KIF13A: variants seen among roughly 807,000 people sequenced by gnomAD.
KIF13A encodes kinesin family member 13A, also known as kinesin-like protein KIF13A.
Under a neutral mutation model 212.2 loss-of-function variants are expected in KIF13A, and 79 were observed. The observed-to-expected ratio is 0.37, with a 90% CI of 0.31 to 0.45. The LOEUF is 0.45. Ranked by LOEUF, KIF13A falls within the 20% of genes least tolerant of loss-of-function variation. The probability of loss-of-function intolerance (pLI) is 1.00; values close to 1 mark genes in which losing one functional copy is unlikely to be tolerated. For missense variants in KIF13A, 1,901 were observed against 2,209.0 expected (o/e 0.86, Z 2.79); for synonymous variants, 789 against 808.6 (o/e 0.98, Z 0.41).
At chr6:17,986,441 T>C (rs190920681) in intron 2 of KIF13A, among the ~76,000 whole-genome samples, 323 of 152,352 alleles carry the variant, frequency 2.1e-3, no homozygotes, top group African/African-American at 7.0e-3. Flanking sequence ...TCAGTGTCTA[T>C]ACAGTTCAGG....
chr6:17,957,159 A>G (rs1442146981), intron 2 of KIF13A, among the ~76,000 whole-genome samples: 1 of 152,154 alleles, frequency 6.6e-6, no homozygotes, highest in Non-Finnish European at 1.5e-5. Flanking sequence ...AGGGATTACA[A>G]GTGTGAGCCA....
At chr6:17,781,801 A>C (rs1264655888) in intron 29 of KIF13A, among the ~76,000 whole-genome samples, 1 of 151,584 alleles carries the variant, frequency 6.6e-6, no homozygotes, top group Non-Finnish European at 1.5e-5. Context: ...TAATTTGTAA[A>C]ATTTTTTGTA....
chr6:17,835,528 A>G (rs1439169120), intron 11 of KIF13A, among the ~76,000 whole-genome samples: 1 of 152,222 alleles, frequency 6.6e-6, no homozygotes, highest in East Asian at 1.9e-4. Flanking sequence ...AAATTATAAT[A>G]AAAATCAGCA....
chr6:17,825,672 G>T lies in KIF13A; in HGVS notation c.1786+96C>A. Reference sequence around the variant, plus strand: ...AGCAGTTTTATGTGTTTAAAATGTGGAATGCGGAATGACACCTGATGCATG... The same window carrying T: ...AGCAGTTTTATGTGTTTAAAATGTGTAATGCGGAATGACACCTGATGCATG... On this transcript the variant is annotated intron_variant, in intron 16 of 38. Transcript: ENST00000259711. The surrounding 1 kb of genome is among the most constrained non-coding windows in gnomAD (Gnocchi z 4.5). The T allele has an allele frequency of 8.7e-7, 1 of 1,150,404 alleles. No individual in the cohort carries two copies. The highest frequency in any genetic ancestry group is 1.2e-6 in the Non-Finnish European group (1 of 801,766). 71.3% of individuals were successfully genotyped at this position (1,150,404 alleles called of 1,614,324 possible). A position where few individuals can be genotyped will look rare whatever the true frequency, so the allele number is the denominator to read the frequency against.
intron 38 of KIF13A, among the ~76,000 whole-genome samples, chr6:17,770,118 C>T (rs933800111): frequency 2.6e-5 from 4 of 152,190 alleles, no homozygotes; most frequent in Admixed American, 2.0e-4. Flanking sequence ...ACACAGTGTG[C>T]GTTAGGAACT....
At chr6:17,805,213 A>G (rs1027076065) in intron 19 of KIF13A, among the ~76,000 whole-genome samples, 16 of 152,214 alleles carry the variant, frequency 1.1e-4, no homozygotes, top group Non-Finnish European at 1.5e-5. Context: ...TGTAGTAAAC[A>G]TGAAGCCAAA....
At chr6:17,854,193 T>C (rs1767927103) in intron 6 of KIF13A, among the ~76,000 whole-genome samples, 1 of 152,170 alleles carries the variant, frequency 6.6e-6, no homozygotes, top group Non-Finnish European at 1.5e-5. Context: ...GGCTGGAATG[T>C]GGTGGCATGA....
At chr6:17,795,231 T>A (rs990244613) in intron 23 of KIF13A, among the ~76,000 whole-genome samples, 18 of 152,150 alleles carry the variant, frequency 1.2e-4, no homozygotes, top group Non-Finnish European at 2.9e-5. Flanking sequence ...CCCCATTCAC[T>A]CACTGAAGGA....
At chr6:17,885,172 T>G (rs1359773324) in intron 3 of KIF13A, among the ~76,000 whole-genome samples, 1 of 151,990 alleles carries the variant, frequency 6.6e-6, no homozygotes, top group Non-Finnish European at 1.5e-5. Flanking sequence ...GGACTGAAAC[T>G]GAAAGGAAAC....
intron 20 of KIF13A, among the ~76,000 whole-genome samples, chr6:17,803,418 C>A (rs920653320): frequency 6.6e-6 from 1 of 152,052 alleles, no homozygotes; most frequent in African/African-American, 2.4e-5. Flanking sequence ...GCACTTACAC[C>A]CCACAACTGG....
chr6:17,801,377 T>C (rs1483268149), intron 20 of KIF13A, among the ~76,000 whole-genome samples: 1 of 151,984 alleles, frequency 6.6e-6, no homozygotes, highest in Non-Finnish European at 1.5e-5. Context: ...TGGTGGGTCA[T>C]ACCTGTAGTC....
In KIF13A at chr6:17,837,120, A is replaced by G; in HGVS notation, c.943-30T>C. 1 of 1,590,328 alleles carries G rather than the reference A, an allele frequency of 6.3e-7. No individual in the cohort carries two copies. Among genetic ancestry groups the G allele is most frequent in the African/African-American group, 1.3e-5 (1 of 74,536 alleles). On this transcript the variant is annotated intron_variant, in intron 10 of 38. Coordinates refer to ENST00000259711, the MANE Select transcript of KIF13A (RefSeq NM_022113.6). The surrounding 1 kb of genome is among the most constrained non-coding windows in gnomAD (Gnocchi z 5.4). ...CAAGTATTTCAAACAGCATCTTAGG[A>G]AGCCCATTCCATGGACAACACATAT...
chr6:17,978,674 T>G (rs986625249), intron 2 of KIF13A, among the ~76,000 whole-genome samples: 6 of 152,252 alleles, frequency 3.9e-5, no homozygotes, highest in Non-Finnish European at 1.5e-5. Context: ...TGAGAAAGGG[T>G]AACTTTAGTT....
At chr6:17,878,065 C>T (rs745631268) in intron 3 of KIF13A, among the ~76,000 whole-genome samples, 7 of 152,172 alleles carry the variant, frequency 4.6e-5, no homozygotes, top group South Asian at 2.1e-4. Context: ...TGTAGTAATA[C>T]TTATATTATT....
chr6:17,775,764 C>T (rs559501285), intron 34 of KIF13A, among the ~76,000 whole-genome samples: 5 of 152,300 alleles, frequency 3.3e-5, no homozygotes, highest in Admixed American at 2.0e-4. Flanking sequence ...GTTGCCCAGG[C>T]TGGTCTCAAA....
chr6:17,874,060 T>C (rs1770267124), intron 3 of KIF13A, among the ~76,000 whole-genome samples: 3 of 152,196 alleles, frequency 2.0e-5, no homozygotes, highest in African/African-American at 7.2e-5. Context: ...CAATATCTTC[T>C]CTCGCAAGTC....
chr6:17,766,089 C>G (rs1426345855), intron 38 of KIF13A, among the ~76,000 whole-genome samples: 2 of 152,182 alleles, frequency 1.3e-5, no homozygotes, highest in African/African-American at 4.8e-5. Context: ...AGTTAGCTTT[C>G]TTTCATTGGT....
chr6:17,962,568 G>C (rs149373010), intron 2 of KIF13A, among the ~76,000 whole-genome samples: 39 of 152,226 alleles, frequency 2.6e-4, no homozygotes, highest in African/African-American at 9.1e-4. Flanking sequence ...GGTGGGGCAG[G>C]ACACAACCAT....
At chr6:17,957,756 C>T (rs1778468081) in intron 2 of KIF13A, among the ~76,000 whole-genome samples, 1 of 152,192 alleles carries the variant, frequency 6.6e-6, no homozygotes, top group South Asian at 2.1e-4. Flanking sequence ...CCACAGAAGT[C>T]TTCTGTGTTG....
Sources: gnomAD v4.1 joint callset for allele counts (sites outside exome capture counted in the v4.1 genomes callset) on GRCh38, gnomAD v4.1.1 for gene constraint, Gnocchi (gnomAD v3.1) non-coding constraint, MANE v1.5 for transcripts, NCBI Gene and HGNC (gene_info 2026-07-23, HGNC 2026-07-21) for gene names.